The following USP47 variants were observed in gnomAD, a reference collection of about 807,000 sequenced individuals.
USP47 encodes the protein ubiquitin specific peptidase 47.
Under a neutral mutation model 165.1 loss-of-function variants are expected in USP47, and 35 were observed. The ratio of observed to expected loss-of-function variants is 0.21; its 90% CI spans 0.16 to 0.28. USP47 has a LOEUF of 0.28. Ranked by LOEUF, USP47 falls within the 10% of genes least tolerant of loss-of-function variation. The probability of loss-of-function intolerance (pLI) is 1.00; values close to 1 mark genes in which losing one functional copy is unlikely to be tolerated. For synonymous variants in USP47, 531 were observed against 544.5 expected (o/e 0.98, Z 0.35); for missense variants, 1,277 against 1,607.4 (o/e 0.79, Z 3.52).
chr11:11,914,754 A>G (rs1295953351), intron 8 of USP47, among the ~76,000 whole-genome samples: 1 of 152,180 alleles, frequency 6.6e-6, no homozygotes, highest in Non-Finnish European at 1.5e-5. Context: ...TACAGAAAAG[A>G]TACTCAACAT....
At chr11:11,917,209 A>G (rs1853486413) in intron 8 of USP47, among the ~76,000 whole-genome samples, 1 of 152,200 alleles carries the variant, frequency 6.6e-6, no homozygotes, top group South Asian at 2.1e-4. Context: ...AAATCCTGCC[A>G]ACAGAGTAGC....
At chr11:11,884,810 A>G in intron 3 of USP47, 1 of 377,432 alleles carries the variant, frequency 2.6e-6, no homozygotes, top group Non-Finnish European at 4.8e-6. Flanking sequence ...GATTTAACAT[A>G]TACTGCTGTC....
Position 11,942,501 on chromosome 11 carries a change from G to T in USP47, c.2480G>T (p.Gly827Val), listed in dbSNP as rs1420645877. Residue 827 changes from glycine (G) to valine (V), a missense_variant, in exon 20 of 28, where the codon GGC becomes GTC. Physicochemically the swap from Gly to Val is moderately radical, Grantham distance 109 (BLOSUM62 -3). This residue lies in a region of USP47 where 909 missense variants were observed against 1,068.1 expected (regional missense o/e 0.85). Coordinates refer to ENST00000527733, the MANE Select transcript of USP47 (RefSeq NM_001282659.2). ...SKRTAYQKAG[G>V]DSGNVDDDCE... ...AGGACAGCATACCAGAAAGCTGGAG[G>T]CGATTCTGGTAATGTGGATGATGAC... 11 of 1,613,580 alleles carry T rather than the reference G, an allele frequency of 6.8e-6. No homozygotes were observed. The highest frequency in any genetic ancestry group is 1.3e-5 in the African/African-American group (1 of 74,992).
At chr11:11,920,314 C>T in intron 9 of USP47, 28 bp from the exon 10 acceptor site, 1 of 1,606,660 alleles carries the variant, frequency 6.2e-7, no homozygotes, top group African/African-American at 1.3e-5. Context: ...TCAATAGACT[C>T]TCCCCCTTTT....
At chr11:11,920,581 G>A (rs920287746) in intron 10 of USP47, 87 bp downstream of exon 10, 3 of 1,246,498 alleles carry the variant, frequency 2.4e-6, no homozygotes, top group African/African-American at 3.1e-5. Context: ...TAATAACACT[G>A]ATGTCATTTG....
At chr11:11,894,136 A>G (rs979984702) in intron 4 of USP47, among the ~76,000 whole-genome samples, 1 of 152,110 alleles carries the variant, frequency 6.6e-6, no homozygotes, top group African/African-American at 2.4e-5. Flanking sequence ...AATTTCTTTA[A>G]AATTAATTTT....
intron 3 of USP47, among the ~76,000 whole-genome samples, chr11:11,887,712 T>C (rs1258394053): frequency 6.6e-6 from 1 of 152,208 alleles, no homozygotes. Flanking sequence ...AACTCAGCTC[T>C]GGATCAAGTG....
chr11:11,900,730 A>G (rs1852172227), intron 5 of USP47, among the ~76,000 whole-genome samples: 1 of 152,210 alleles, frequency 6.6e-6, no homozygotes, highest in East Asian at 1.9e-4. Flanking sequence ...AAAGGAAAGG[A>G]AAGAATCACA....
In USP47 at chr11:11,949,940, C is replaced by A. The variant is rs998419964; in HGVS notation, c.3400C>A (p.Gln1134Lys). 3 of 1,612,908 alleles carry A rather than the reference C, an allele frequency of 1.9e-6. No homozygotes were observed. Among genetic ancestry groups the A allele is most frequent in the Non-Finnish European group, 1.7e-6 (2 of 1,179,318 alleles). ...GTTTGCTAAAGGAATGACTGTACGGCAATCAAAAGAGGAATTAATTCCTCA... is the reference window on the plus strand; with the variant it reads ...GTTTGCTAAAGGAATGACTGTACGGAAATCAAAAGAGGAATTAATTCCTCA... ...AVFAKGMTVRQSKEELIPQLR... is the reference protein window; with the variant it reads ...AVFAKGMTVRKSKEELIPQLR... The change falls in exon 23 of 28, where the codon CAA (glutamine) becomes AAA (lysine). Residue 1134 changes from glutamine to lysine, a missense_variant. By Grantham distance (53) the Gln-to-Lys change is moderately conservative. Around this residue, in one of 4 missense-constraint regions of USP47, gnomAD observed 909 missense variants for 1,068.1 expected, o/e 0.85. Coordinates refer to ENST00000527733, the MANE Select transcript of USP47 (RefSeq NM_001282659.2).
At chr11:11,931,239 C>A (rs571697707) in intron 14 of USP47, among the ~76,000 whole-genome samples, 3 of 151,862 alleles carry the variant, frequency 2.0e-5, no homozygotes, top group African/African-American at 7.3e-5. Flanking sequence ...TAGACACTAC[C>A]GTTGCTATTA....
At chr11:11,897,973 C>G (rs1851948421) in intron 5 of USP47, among the ~76,000 whole-genome samples, 1 of 152,156 alleles carries the variant, frequency 6.6e-6, no homozygotes, top group African/African-American at 2.4e-5. Context: ...CCTTAACACC[C>G]TTTATGAAGA....
intron 11 of USP47, among the ~76,000 whole-genome samples, chr11:11,923,543 C>T (rs752864000): frequency 2.4e-4 from 36 of 151,982 alleles, no homozygotes; most frequent in Middle Eastern, 6.8e-3. Context: ...GTTTTTTAGA[C>T]CATTTTTTTC....
rs367648083 is a variant in USP47, at chr11:11,897,593, A to G, written c.497-4A>G. 8.8e-6 allele frequency: 14 copies of G among 1,588,720 alleles called. No homozygotes were observed. Among genetic ancestry groups the G allele is most frequent in the Non-Finnish European group, 1.1e-5 (13 of 1,167,938 alleles). On this transcript the variant is annotated splice_region_variant and splice_polypyrimidine_tract_variant and intron_variant, in intron 4 of 27. Transcript: ENST00000527733. ...TAATGTACATTTGTATTTTCTCTTT[A>G]AAGGATATGTGGGACTAGTAAACCA... is the stretch of plus-strand genomic sequence containing the variant.
chr11:11,912,078 C>T (rs981019596), intron 8 of USP47, among the ~76,000 whole-genome samples: 2 of 150,588 alleles, frequency 1.3e-5, no homozygotes, highest in Admixed American at 6.6e-5. Flanking sequence ...AAAGCAATAC[C>T]GAGAGGGAAA....
At chr11:11,850,725 T>A (rs866149268) in intron 1 of USP47, among the ~76,000 whole-genome samples, 3 of 152,320 alleles carry the variant, frequency 2.0e-5, no homozygotes, top group Middle Eastern at 6.8e-3. Context: ...CCATTTGGGC[T>A]GCAAAAACAA....
At chr11:11,877,856 TGTGC>T (rs1315199764) in intron 1 of USP47, among the ~76,000 whole-genome samples, 801 of 74,054 alleles carry the variant, frequency 0.011, 2 homozygotes, top group African/African-American at 0.041. Context: ...TGTGTGTGTG[TGTGC>T]GCGCGCGCAG....
rs557422434 is a variant in USP47, at chr11:11,874,337, C to G, written c.40-5840C>G. 9.9e-5 allele frequency among the ~76,000 whole-genome samples: 15 copies of G among 152,176 alleles called. No homozygotes were observed. The South Asian group carries it at 3.1e-3, about 32-fold the overall frequency. ...TCAGTCCCTTTGCTCTGTTTTTTCC[C>G]CAGAGTTGCTCCTTTAATCTCTCTT... On this transcript the variant is annotated intron_variant, in intron 1 of 27. Coordinates refer to ENST00000527733, the MANE Select transcript of USP47 (RefSeq NM_001282659.2).
chr11:11,892,213 A>AG, intron 4 of USP47, 107 bp downstream of exon 4: 1 of 1,267,696 alleles, frequency 7.9e-7, no homozygotes, highest in Non-Finnish European at 1.1e-6. Context: ...ACTGAGACCT[A>AG]GAGCAGGAGT....
chr11:11,877,656 A>C (rs1850522993), intron 1 of USP47, among the ~76,000 whole-genome samples: 1 of 152,300 alleles, frequency 6.6e-6, no homozygotes, highest in South Asian at 2.1e-4. Context: ...TAAAATGATG[A>C]GTTAGGAAAA....
Sources: gnomAD v4.1 joint callset for allele counts (sites outside exome capture counted in the v4.1 genomes callset) on GRCh38, gnomAD v4.1.1 for gene constraint, gnomAD v4.1.1 regional missense constraint, MANE v1.5 for transcripts, NCBI Gene and HGNC (gene_info 2026-07-23, HGNC 2026-07-21) for gene names.